The following ARAP2 variants were observed in gnomAD, a reference collection of about 807,000 sequenced individuals.
ARAP2 encodes the protein ArfGAP with RhoGAP domain, ankyrin repeat and PH domain 2.
In ARAP2, 148 loss-of-function variants were observed where a neutral mutation model predicts 194.5. The ratio of observed to expected loss-of-function variants is 0.76; its 90% CI spans 0.67 to 0.87. The LOEUF is 0.87. Among genes scored for constraint, ARAP2 ranks in the 40% least tolerant of loss-of-function variants. The pLI is 0.00. For missense variants in ARAP2, 2,128 were observed against 1,989.7 expected (o/e 1.07, Z -1.32); for synonymous variants, 695 against 683.5 (o/e 1.02, Z -0.26).
intron 1 of ARAP2, among the ~76,000 whole-genome samples, chr4:36,238,245 A>C (rs1277852945): frequency 6.6e-6 from 1 of 152,036 alleles, no homozygotes; most frequent in Non-Finnish European, 1.5e-5. Flanking sequence ...TTTCCCACCC[A>C]CCAAAACACA....
chr4:36,204,713 G>A lies in ARAP2; in HGVS notation c.1487+5677C>T, dbSNP rs1476145193. On this transcript the variant is annotated intron_variant, in intron 6 of 32. Coordinates refer to ENST00000303965, the MANE Select transcript of ARAP2 (RefSeq NM_015230.4). ...ATATTAAAAATTAAGCAAACAGGCC[G>A]GGCACGGTCGTTTATGCCTGTAATC... Among the ~76,000 whole-genome samples, 4 of 152,012 alleles carry A rather than the reference G, an allele frequency of 2.6e-5. No individual in the cohort carries two copies. In the East Asian group the frequency reaches 5.8e-4, roughly 22 times the overall value.
intron 5 of ARAP2, among the ~76,000 whole-genome samples, chr4:36,029,504 T>C (rs755868979): frequency 2.0e-5 from 3 of 152,000 alleles, no homozygotes; most frequent in Non-Finnish European, 2.9e-5. Context: ...TGAATATCTT[T>C]ATTTTTAGTC....
chr4:36,084,804 T>C (rs1730437100), intron 28 of ARAP2, among the ~76,000 whole-genome samples: 1 of 152,076 alleles, frequency 6.6e-6, no homozygotes, highest in East Asian at 1.9e-4. Context: ...ACATGGTGAA[T>C]TTATTCCTAA....
chr4:36,072,925 CAA>C (rs1727376330), intron 32 of ARAP2, among the ~76,000 whole-genome samples: 1 of 152,106 alleles, frequency 6.6e-6, no homozygotes, highest in Non-Finnish European at 1.5e-5. Context: ...TTTCGTCTTT[CAA>C]AAGTTATTTC....
Position 36,100,939 on chromosome 4 carries a change from G to T in ARAP2, c.4285+6626C>A, listed in dbSNP as rs538613354. On this transcript the variant is annotated intron_variant, in intron 27 of 32. Coordinates refer to ENST00000303965, the MANE Select transcript of ARAP2 (RefSeq NM_015230.4). The stretch of plus-strand genomic sequence containing the variant: ...CTCCTTTATGTTATTTATACGGTTG[G>T]CCCTCTGTATCCATGGATGCCGCAT... 1.2e-4 allele frequency among the ~76,000 whole-genome samples: 18 copies of T among 151,876 alleles called. 1 individual carries two copies. The South Asian group carries it at 3.5e-3, about 30-fold the overall frequency.
At chr4:36,208,905 CT>C (rs1746137527) in intron 6 of ARAP2, among the ~76,000 whole-genome samples, 1 of 152,028 alleles carries the variant, frequency 6.6e-6, no homozygotes, top group Admixed American at 6.6e-5. Flanking sequence ...ATCCAGAAAA[CT>C]TACAGCATCT....
At chr4:36,234,647 G>C (rs1040433468) in intron 1 of ARAP2, among the ~76,000 whole-genome samples, 1 of 152,046 alleles carries the variant, frequency 6.6e-6, no homozygotes, top group Non-Finnish European at 1.5e-5. Flanking sequence ...CTGTGCTTTA[G>C]TTTCTTAGTC....
chr4:36,210,186 T>G (rs966627010), intron 6 of ARAP2, among the ~76,000 whole-genome samples: 1 of 152,158 alleles, frequency 6.6e-6, no homozygotes, highest in Admixed American at 6.6e-5. Context: ...TGGACCTTAA[T>G]GCAGCATTGC....
At chr4:36,231,084 C>T (rs1578363208) in intron 1 of ARAP2, among the ~76,000 whole-genome samples, 1 of 152,172 alleles carries the variant, frequency 6.6e-6, no homozygotes, top group African/African-American at 2.4e-5. Flanking sequence ...CGCCTGTAAT[C>T]CCAGCACTTT....
At chr4:36,005,637 A>C (rs2109296428) in intron 10 of ARAP2, 1 of 152,296 alleles carries the variant, frequency 6.6e-6, no homozygotes, top group East Asian at 1.9e-4. Flanking sequence ...ACAATTCTAT[A>C]CATTTGCCAT....
At chr4:36,041,007 A>C (rs1215134683) in intron 5 of ARAP2, among the ~76,000 whole-genome samples, 1 of 151,660 alleles carries the variant, frequency 6.6e-6, no homozygotes, top group Non-Finnish European at 1.5e-5. Context: ...TGTTCCTTCA[A>C]TACCTAGTTT....
chr4:36,185,108 T>C (rs1464449557), intron 8 of ARAP2, among the ~76,000 whole-genome samples: 1 of 152,204 alleles, frequency 6.6e-6, no homozygotes, highest in Non-Finnish European at 1.5e-5. Flanking sequence ...GTGATACCAC[T>C]GAGTGTGAAT....
At chr4:36,234,680 GTACC>G (rs1752131444) in intron 1 of ARAP2, among the ~76,000 whole-genome samples, 1 of 152,030 alleles carries the variant, frequency 6.6e-6, no homozygotes, top group Non-Finnish European at 1.5e-5. Flanking sequence ...AGTAATATTA[GTACC>G]TACCTCATAG....
intron 6 of ARAP2, among the ~76,000 whole-genome samples, chr4:36,201,412 T>C (rs1196623177): frequency 3.3e-5 from 5 of 152,220 alleles, no homozygotes; most frequent in Non-Finnish European, 5.9e-5. Context: ...TCTTGCAAAG[T>C]ACTTCAGAAT....
chr4:36,209,684 G>T (rs7693370), intron 6 of ARAP2, among the ~76,000 whole-genome samples: 138,342 of 152,226 alleles, frequency 0.91, 62,920 homozygotes, highest in East Asian at 1. Context: ...AATCTCAAAA[G>T]AATTTAATAA....
intron 4 of ARAP2, 71 bp downstream of exon 4, chr4:36,213,172 A>C: frequency 8.9e-7 from 1 of 1,122,304 alleles, no homozygotes; most frequent in Non-Finnish European, 1.3e-6. Context: ...TTGGAGAAAA[A>C]TGAAGAGGTA....
intron 5 of ARAP2, among the ~76,000 whole-genome samples, chr4:36,040,821 C>T (rs1447032314): frequency 6.6e-6 from 1 of 152,118 alleles, no homozygotes; most frequent in East Asian, 1.9e-4. Context: ...TATTTGGATG[C>T]CTTTCATTTC....
chr4:36,191,684 T>C (rs1472262978), intron 7 of ARAP2, among the ~76,000 whole-genome samples: 1 of 151,998 alleles, frequency 6.6e-6, no homozygotes, highest in East Asian at 1.9e-4. Context: ...AAATTTTCCT[T>C]AAGGAAAGAA....
At chr4:36,072,105 T>A (rs189448073) in intron 32 of ARAP2, among the ~76,000 whole-genome samples, 69 of 151,954 alleles carry the variant, frequency 4.5e-4, no homozygotes, top group African/African-American at 1.5e-3. Context: ...TTATATGAAT[T>A]TTTTTAAAAA....
Sources: allele counts gnomAD v4.1 joint callset (sites outside exome capture counted in the v4.1 genomes callset), GRCh38; gene constraint gnomAD v4.1.1; transcripts MANE v1.5; gene names NCBI Gene and HGNC (gene_info 2026-07-23, HGNC 2026-07-21).